Variants in ZNF44 observed in about 807,000 individuals in gnomAD.
The protein encoded by ZNF44 is zinc finger protein 44, also known as gonadotropin inducible transcription repressor-2.
ZNF44 carries 9 observed loss-of-function variants against 11.7 expected under a neutral mutation model. The ratio of observed to expected loss-of-function variants is 0.77; its 90% confidence interval spans 0.46 to 1.35. ZNF44 has a LOEUF of 1.35. ZNF44 is among the 40% of genes most tolerant of loss of function. The pLI, the probability that ZNF44 is intolerant of heterozygous loss-of-function variation, is 0.00. For missense variants in ZNF44, 696 were observed against 743.1 expected (o/e 0.94, Z 0.74); for synonymous variants, 224 against 242.7 (o/e 0.92, Z 0.72).
chr19:12,227,440 A>G (rs975691355), intron 3 of ZNF44, among the ~76,000 whole-genome samples: 1 of 152,114 alleles, frequency 6.6e-6, no homozygotes, highest in African/African-American at 2.4e-5. Flanking sequence ...CGTCTCTACT[A>G]AAAATACAAA....
At chr19:12,230,847 G>C (rs1388322772) in intron 2 of ZNF44, among the ~76,000 whole-genome samples, 1 of 152,206 alleles carries the variant, frequency 6.6e-6, no homozygotes, top group Admixed American at 6.5e-5. Flanking sequence ...GTTTTAGGGT[G>C]AGGGGGCTTA....
chr19:12,236,793 C>T (rs1296852900), intron 1 of ZNF44, among the ~76,000 whole-genome samples: 1 of 152,252 alleles, frequency 6.6e-6, no homozygotes, highest in African/African-American at 2.4e-5. Context: ...AGGTATAACA[C>T]TTCACGTAGC....
At chr19:12,250,138 G>T in intron 6 of ZNF44, 3 of 1,249,026 alleles carry the variant, frequency 2.4e-6, no homozygotes, top group Non-Finnish European at 3.1e-6. Context: ...ATTTACAAAA[G>T]AATTTTGCCT....
intron 1 of ZNF44, among the ~76,000 whole-genome samples, chr19:12,277,887 A>G (rs187313438): frequency 6.6e-6 from 1 of 152,232 alleles, no homozygotes; most frequent in African/African-American, 2.4e-5. Flanking sequence ...CAAACTGGGC[A>G]GGAACTACTT....
downstream of ZNF44, among the ~76,000 whole-genome samples, chr19:12,271,067 A>C (rs116206157): frequency 0.015 from 2,266 of 151,490 alleles, 31 homozygotes; most frequent in South Asian, 0.036. Context: ...GATGATGATG[A>C]TGCTGCTGAT....
At chr19:12,227,479 G>A (rs1915968118) in intron 3 of ZNF44, among the ~76,000 whole-genome samples, 1 of 152,158 alleles carries the variant, frequency 6.6e-6, no homozygotes. Context: ...GTGTGCACCT[G>A]TATGTAATCC....
intron 5 of ZNF44, among the ~76,000 whole-genome samples, chr19:12,252,144 A>G (rs774432160): frequency 3.3e-5 from 5 of 152,206 alleles, no homozygotes; most frequent in Admixed American, 3.3e-4. Context: ...AAAATGTATA[A>G]AAGGTTCTCA....
At chr19:12,277,557 A>C (rs2145736453) in intron 1 of ZNF44, among the ~76,000 whole-genome samples, 1 of 152,364 alleles carries the variant, frequency 6.6e-6, no homozygotes, top group South Asian at 2.1e-4. Flanking sequence ...CAGCTTTACA[A>C]AAACAAACAG....
chr19:12,270,406 G>A (rs547291550), downstream of ZNF44, among the ~76,000 whole-genome samples: 20 of 151,642 alleles, frequency 1.3e-4, no homozygotes, highest in Non-Finnish European at 2.5e-4. Context: ...ACAGCCACTT[G>A]GTCAAGGATC....
chr19:12,247,723 G>A (rs1215818170), exon 8 of ZNF44: 2 of 1,345,216 alleles, frequency 1.5e-6, no homozygotes, highest in African/African-American at 1.5e-5. Context: ...GTCCTTTCAT[G>A]TCTTTGAGCT....
intron 1 of ZNF44, chr19:12,284,902 G>A: frequency 1.4e-6 from 1 of 722,864 alleles, no homozygotes; most frequent in Non-Finnish European, 2.5e-6. Flanking sequence ...CCCGCACCCA[G>A]GGACACTGGC....
chr19:12,248,172 G>A, exon 8 of ZNF44: 7 of 1,307,114 alleles, frequency 5.4e-6, no homozygotes, highest in Non-Finnish European at 5.0e-6. Context: ...GTAAATGAAG[G>A]GTTTCCCACA....
chr19:12,226,001 A>G (rs1308152110), downstream of ZNF44, among the ~76,000 whole-genome samples: 1 of 152,222 alleles, frequency 6.6e-6, no homozygotes, highest in Non-Finnish European at 1.5e-5. Context: ...GTAAGAATTG[A>G]AAAACATTAG....
At chr19:12,281,285 T>C (rs1967466930) in intron 1 of ZNF44, among the ~76,000 whole-genome samples, 1 of 152,150 alleles carries the variant, frequency 6.6e-6, no homozygotes, top group Admixed American at 6.5e-5. Context: ...GAAGCATAGT[T>C]GAAAAACCTC....
At chr19:12,226,291 G>GT (rs1303693839) in exon 4 of ZNF44, 1 of 152,176 alleles carries the variant, frequency 6.6e-6, no homozygotes, top group Non-Finnish European at 1.5e-5. Context: ...ATACCTATGA[G>GT]TTGGGAGAAA....
At chr19:12,255,772 G>A (rs557619643) in intron 5 of ZNF44, among the ~76,000 whole-genome samples, 1 of 152,100 alleles carries the variant, frequency 6.6e-6, no homozygotes, top group African/African-American at 2.4e-5. Flanking sequence ...GGGCACGGTG[G>A]CTCATTCCTG....
chr19:12,281,923 G>A (rs1967490907), intron 1 of ZNF44, among the ~76,000 whole-genome samples: 1 of 152,142 alleles, frequency 6.6e-6, no homozygotes, highest in African/African-American at 2.4e-5. Context: ...AGGTCAGAAC[G>A]ATTTCACTGC....
rs1294498701 is a variant in ZNF44 at position 12,272,734 on chromosome 19, T to A, written c.1521A>T (p.Gln507His). 9.9e-6 allele frequency: 16 copies of A among 1,613,468 alleles called. No homozygotes were observed. The Admixed American group carries it at 1.2e-4, about 12-fold the overall frequency. The change falls in exon 4 of 4, where the codon CAA becomes CAT. Residue 507 changes from glutamine to histidine, a missense_variant. By Grantham distance (24) the Gln-to-His change is conservative. Transcript: ENST00000355684. Reference sequence around the variant, plus strand: ...AACGACTGAAGGCTTTGCCACAAATTTGACACTCATAAGATTTTTCTTCAC... The same window carrying A: ...AACGACTGAAGGCTTTGCCACAAATATGACACTCATAAGATTTTTCTTCAC... ...THSEEKSYEC[Q>H]ICGKAFSRFS... is the part of the protein sequence containing the mutation.
chr19:12,286,543 A>C (rs1404571709), intron 1 of ZNF44, among the ~76,000 whole-genome samples: 1 of 146,542 alleles, frequency 6.8e-6, no homozygotes, highest in East Asian at 2.1e-4. Flanking sequence ...CTGAGGCAGA[A>C]AATTGCTTGA....
Sources: allele counts gnomAD v4.1 joint callset (sites outside exome capture counted in the v4.1 genomes callset), GRCh38; gene constraint gnomAD v4.1.1; transcripts MANE v1.5; gene names NCBI Gene and HGNC (gene_info 2026-07-23, HGNC 2026-07-21).